Variants in NFE2L3 observed in about 807,000 individuals in gnomAD.
NFE2L3 encodes the protein NFE2 like bZIP transcription factor 3.
Under a neutral mutation model 23.5 loss-of-function variants are expected in NFE2L3, and 18 were observed. That is an observed-to-expected ratio of 0.77 (90% CI 0.53 to 1.13). The LOEUF is 1.13. Among genes scored for constraint, NFE2L3 ranks in the 50% most tolerant of loss-of-function variants. The pLI is 0.00. For missense variants in NFE2L3, 1,152 were observed against 877.2 expected, an observed-to-expected ratio of 1.31 and a Z score of -3.96; for synonymous variants, 424 against 354.5, an observed-to-expected ratio of 1.20 and a Z score of -2.20.
chr7:26,177,118 G>T (rs1301015778), intron 1 of NFE2L3, among the ~76,000 whole-genome samples: 1 of 136,892 alleles, frequency 7.3e-6, no homozygotes, highest in African/African-American at 2.6e-5. Flanking sequence ...TCCCAGACGG[G>T]GTGGCCGGGC....
At chr7:26,180,058 G>T (rs1388517338) in intron 2 of NFE2L3, among the ~76,000 whole-genome samples, 2 of 152,104 alleles carry the variant, frequency 1.3e-5, no homozygotes, top group African/African-American at 4.8e-5. Context: ...CCATTTGCTG[G>T]CCGCCTAGCA....
intron 2 of NFE2L3, among the ~76,000 whole-genome samples, chr7:26,182,776 G>T (rs767023588): frequency 6.6e-6 from 1 of 151,972 alleles, no homozygotes; most frequent in African/African-American, 2.4e-5. Flanking sequence ...AAACAAATTG[G>T]AGTAAATGTA....
chr7:26,157,648 G>A (rs1273235540), intron 1 of NFE2L3, among the ~76,000 whole-genome samples: 4 of 152,134 alleles, frequency 2.6e-5, no homozygotes, highest in African/African-American at 7.2e-5. Flanking sequence ...TTTATGACAA[G>A]CGTTCACAGT....
chr7:26,175,013 G>A (rs1242740148), intron 1 of NFE2L3: 2 of 152,126 alleles, frequency 1.3e-5, no homozygotes, highest in Non-Finnish European at 2.9e-5. Context: ...AATAAGTATA[G>A]ATCTGTGGAG....
intron 1 of NFE2L3, among the ~76,000 whole-genome samples, chr7:26,156,654 C>T (rs1477368575): frequency 1.3e-5 from 2 of 152,190 alleles, no homozygotes; most frequent in Admixed American, 6.5e-5. Flanking sequence ...AATGTGTAAA[C>T]GTATGGAACA....
intron 1 of NFE2L3, among the ~76,000 whole-genome samples, chr7:26,165,760 T>G (rs1414184110): frequency 6.6e-6 from 1 of 152,198 alleles, no homozygotes; most frequent in Non-Finnish European, 1.5e-5. Context: ...TTTTTGCCCA[T>G]TCAGTATGAT....
intron 2 of NFE2L3, among the ~76,000 whole-genome samples, chr7:26,179,681 G>A (rs1311105973): frequency 6.6e-6 from 1 of 150,760 alleles, no homozygotes; most frequent in Non-Finnish European, 1.5e-5. Flanking sequence ...ACTTCAGACG[G>A]GGTGACAGAG....
rs1784018290 is a variant in NFE2L3, at chr7:26,152,824, A to T, written c.326A>T (p.Asp109Val). The T allele has an allele frequency of 2.0e-6, 3 of 1,486,126 alleles. No individual in the cohort carries two copies. Among genetic ancestry groups the T allele is most frequent in the Non-Finnish European group, 2.7e-6 (3 of 1,126,036 alleles). 92.1% of individuals were successfully genotyped at this position (1,486,126 alleles called of 1,614,324 possible). Residue 109 changes from aspartate (D) to valine (V), a missense_variant, in exon 1 of 4, where the codon GAT (aspartate) becomes GTT (valine). Transcript: ENST00000056233. This position sits in a 1 kb window ranked among gnomAD's most constrained non-coding sequence, Gnocchi z 4.4. ...CCCTTCGTCCCTCGCACCAGCGTGG[A>T]TGCATGGCTGGTGCACAGCGTGGCT... ...GVPFVPRTSVDAWLVHSVAAG... is the reference protein window; with the variant it reads ...GVPFVPRTSVVAWLVHSVAAG...
In NFE2L3 at chr7:26,183,791, G is replaced by C; in HGVS notation, c.834+7G>C. 1 of 1,601,338 alleles carries C rather than the reference G, an allele frequency of 6.2e-7. No homozygotes were observed. The highest frequency in any genetic ancestry group is 8.6e-7 in the Non-Finnish European group (1 of 1,168,298). On this transcript the variant is annotated splice_region_variant and intron_variant, in intron 3 of 3. Transcript: ENST00000056233. ...GCCTGAAAATTCACTGGAGGTAATT[G>C]GAACTTTGGCTTTTATCCTCGCAGG...
chr7:26,162,966 C>A (rs1168035880), intron 1 of NFE2L3, among the ~76,000 whole-genome samples: 1 of 152,132 alleles, frequency 6.6e-6, no homozygotes, highest in African/African-American at 2.4e-5. Flanking sequence ...CCTGCCTTGG[C>A]CTCCCAAAGT....
At chr7:26,169,371 C>T in intron 1 of NFE2L3, among the ~76,000 whole-genome samples, 1 of 152,206 alleles carries the variant, frequency 6.6e-6, no homozygotes, top group East Asian at 1.9e-4. Flanking sequence ...CAGAACCCAG[C>T]ACCTGGGCTG....
chr7:26,182,947 A>C (rs1782360984), intron 2 of NFE2L3, among the ~76,000 whole-genome samples: 1 of 152,032 alleles, frequency 6.6e-6, no homozygotes, highest in Non-Finnish European at 1.5e-5. Flanking sequence ...GGTGCACACC[A>C]CCACACCCAG....
chr7:26,178,827 C>T (rs768171845), intron 2 of NFE2L3, among the ~76,000 whole-genome samples: 3 of 152,136 alleles, frequency 2.0e-5, no homozygotes, highest in African/African-American at 2.4e-5. Context: ...TTAATAACCA[C>T]GTGGCACTTC....
chr7:26,157,978 A>C (rs1356094395), intron 1 of NFE2L3, among the ~76,000 whole-genome samples: 3 of 152,198 alleles, frequency 2.0e-5, no homozygotes, highest in African/African-American at 7.2e-5. Flanking sequence ...CTTCATCTTC[A>C]CATGGCATTC....
rs1344731701 is a variant in NFE2L3 at position 26,167,540 on chromosome 7, T to A, written c.571-10403T>A. Among the ~76,000 whole-genome samples, 3 of 152,022 alleles carry A rather than the reference T, an allele frequency of 2.0e-5. No homozygotes were observed. In the South Asian group the frequency reaches 6.2e-4, roughly 32 times the overall value. On this transcript the variant is annotated intron_variant, in intron 1 of 3. Transcript: ENST00000056233. The stretch of plus-strand genomic sequence containing the variant: ...GGTGTGAAAATGTACTTTTTTTTTT[T>A]AATTGTCCCAGCCCCACAAGGGTAA...
chr7:26,176,292 C>T (rs1414958893), intron 1 of NFE2L3, among the ~76,000 whole-genome samples: 4 of 152,166 alleles, frequency 2.6e-5, no homozygotes, highest in Admixed American at 1.3e-4. Flanking sequence ...TCTGATCTCT[C>T]GTTCTTTTCC....
At chr7:26,184,370 G>A (rs767664077) in intron 3 of NFE2L3, 163 bp from the exon 4 acceptor site, 21 of 607,086 alleles carry the variant, frequency 3.5e-5, no homozygotes, top group East Asian at 2.2e-4. Context: ...CTCACATCTC[G>A]TATTGTATTG....
intron 1 of NFE2L3, among the ~76,000 whole-genome samples, chr7:26,161,551 C>T (rs1337634532): frequency 1.3e-5 from 2 of 151,898 alleles, no homozygotes; most frequent in African/African-American, 4.8e-5. Flanking sequence ...GCTTAAGGTC[C>T]TCTGCCTTGA....
chr7:26,180,159 G>T (rs1206172267), intron 2 of NFE2L3, among the ~76,000 whole-genome samples: 2 of 152,066 alleles, frequency 1.3e-5, no homozygotes, highest in African/African-American at 4.8e-5. Context: ...GCAAAAACAG[G>T]ACACTAAGCT....
Sources: allele counts gnomAD v4.1 joint callset (sites outside exome capture counted in the v4.1 genomes callset), GRCh38; gene constraint gnomAD v4.1.1; non-coding constraint Gnocchi (gnomAD v3.1); transcripts MANE v1.5; gene names NCBI Gene and HGNC (gene_info 2026-07-23, HGNC 2026-07-21).